Variants in KIF17 observed in about 807,000 individuals in gnomAD.
KIF17 encodes kinesin-like protein KIF17.
A neutral mutation model predicts 96.8 loss-of-function variants in KIF17; 80 were observed. The observed-to-expected ratio is 0.83, with a 90% confidence interval of 0.69 to 1.00. The LOEUF (loss-of-function observed/expected upper bound fraction) is 1.00, where lower values mean the gene tolerates loss of function less well. Among genes scored for constraint, KIF17 ranks in the 50% least tolerant of loss-of-function variants. The probability of loss-of-function intolerance (pLI) is 0.00; values close to 1 mark genes in which losing one functional copy is unlikely to be tolerated. For missense variants in KIF17, 1,280 were observed against 1,372.9 expected (o/e 0.93, Z 1.07); for synonymous variants, 567 against 587.5 (o/e 0.97, Z 0.51).
At chr1:20,690,131 A>C (rs1045740691) in intron 7 of KIF17, 57 bp downstream of exon 7, 2 of 1,589,908 alleles carry the variant, frequency 1.3e-6, no homozygotes, top group African/African-American at 2.7e-5. Context: ...TACTGCAGTG[A>C]GGCGGAAAGG....
chr1:20,689,909 G>C (rs1013602709), intron 7 of KIF17, among the ~76,000 whole-genome samples: 37 of 152,144 alleles, frequency 2.4e-4, no homozygotes, highest in African/African-American at 8.2e-4. Context: ...CAGTGCTGTG[G>C]GTGAGAACAC....
chr1:20,712,876 CTATA>C (rs1328688846), intron 3 of KIF17, among the ~76,000 whole-genome samples: 10 of 66,006 alleles, frequency 1.5e-4, no homozygotes, highest in African/African-American at 7.4e-4. Flanking sequence ...TAGATATTAT[CTATA>C]TATAATATAG....
At chr1:20,678,311 G>T (rs933447141) in intron 11 of KIF17, among the ~76,000 whole-genome samples, 1 of 152,098 alleles carries the variant, frequency 6.6e-6, no homozygotes, top group Non-Finnish European at 1.5e-5. Flanking sequence ...CAACACATGA[G>T]AATTATGGGA....
intron 11 of KIF17, among the ~76,000 whole-genome samples, chr1:20,682,077 C>T (rs2053838378): frequency 6.6e-6 from 1 of 152,152 alleles, no homozygotes; most frequent in African/African-American, 2.4e-5. Context: ...TTATTTCTCT[C>T]CTGTGTTATT....
At chr1:20,707,317 C>T (rs934830069) in intron 4 of KIF17, among the ~76,000 whole-genome samples, 1 of 152,120 alleles carries the variant, frequency 6.6e-6, no homozygotes, top group Admixed American at 6.5e-5. Flanking sequence ...TGTCAAGGAC[C>T]GGTTGGAAAA....
chr1:20,697,462 C>G (rs1028546640), intron 6 of KIF17, among the ~76,000 whole-genome samples: 1 of 152,026 alleles, frequency 6.6e-6, no homozygotes, highest in African/African-American at 2.4e-5. Context: ...TAAAAATTAG[C>G]CAGGCGTTAT....
At position 20,713,521 on chromosome 1, in the gene KIF17, G is replaced by A; in HGVS notation, c.413C>T (p.Ser138Phe). ...AENTKFLVRA[S>F]YLEIYNEDVR... ...ATCTTCATTGTAGATCTCCAGGTAGGAGGCCCGGACCAGGAACTTAGTGTT... is the reference window on the plus strand; with the variant it reads ...ATCTTCATTGTAGATCTCCAGGTAGAAGGCCCGGACCAGGAACTTAGTGTT... The change falls in exon 3 of 15, where the codon TCC becomes TTC. Residue 138 changes from serine to phenylalanine, a missense_variant. By Grantham distance (155) the Ser-to-Phe change is radical. Coordinates refer to ENST00000400463, the MANE Select transcript of KIF17 (RefSeq NM_001122819.3). The A allele has an allele frequency of 6.2e-7, 1 of 1,613,328 alleles. No individual in the cohort carries two copies. Among genetic ancestry groups the A allele is most frequent in the Non-Finnish European group, 8.5e-7 (1 of 1,179,902 alleles).
At chr1:20,668,691 TGGC>T (rs1183202356) in intron 13 of KIF17, among the ~76,000 whole-genome samples, 1 of 152,206 alleles carries the variant, frequency 6.6e-6, no homozygotes, top group Non-Finnish European at 1.5e-5. Context: ...ATATTTGTAA[TGGC>T]TTAAGGCAGA....
chr1:20,683,603 C>T lies in KIF17; in HGVS notation c.2232-719G>A, dbSNP rs1052234299. 7.2e-5 allele frequency among the ~76,000 whole-genome samples: 11 copies of T among 151,746 alleles called. 1 individual carries two copies. Among genetic ancestry groups the T allele is most frequent in the African/African-American group, 1.5e-4 (6 of 41,286 alleles). On this transcript the variant is annotated intron_variant, in intron 10 of 14. Transcript: ENST00000400463. ...CCAGGAGGCAGAGGTTGCAGTGAGC[C>T]GAGATCGCACCACTGCACTCCAGCC... is the stretch of plus-strand genomic sequence containing the variant.
At chr1:20,702,693 C>G (rs2054258439) in intron 5 of KIF17, among the ~76,000 whole-genome samples, 1 of 152,204 alleles carries the variant, frequency 6.6e-6, no homozygotes, top group Non-Finnish European at 1.5e-5. Context: ...CACTCTCATC[C>G]TAACAGGGAA....
At chr1:20,716,339 C>T (rs997369465) in intron 1 of KIF17, among the ~76,000 whole-genome samples, 1 of 152,082 alleles carries the variant, frequency 6.6e-6, no homozygotes, top group Non-Finnish European at 1.5e-5. Flanking sequence ...TGCATGGGCA[C>T]AGGAAGCACT....
At chr1:20,691,043 G>T (rs1488296382) in intron 6 of KIF17, among the ~76,000 whole-genome samples, 1 of 151,814 alleles carries the variant, frequency 6.6e-6, no homozygotes, top group Non-Finnish European at 1.5e-5. Context: ...GCTCATGCCT[G>T]TAACCCCAGC....
rs764795128 is a variant in KIF17, at chr1:20,704,640, G to A, written c.930C>T (p.Ala310=). Residue 310 remains alanine (A), a synonymous_variant, in exon 5 of 15, where the codon GCC becomes GCT. Coordinates refer to ENST00000400463, the MANE Select transcript of KIF17 (RefSeq NM_001122819.3). The surrounding 1 kb of genome is among the most constrained non-coding windows in gnomAD (Gnocchi z 6.8). ...AGTTGTTGTCCGCAGGCGACAGGCA[G>A]GCCACCATGAGCGTCTTGGTGTTGC... ...LGGNTKTLMV[A]CLSPADNNYD... 1 of 1,614,186 alleles carries A rather than the reference G, an allele frequency of 6.2e-7. No homozygotes were observed. The highest frequency in any genetic ancestry group is 2.2e-5 in the East Asian group (1 of 44,882).
At chr1:20,690,488 G>A (rs142791966) in intron 6 of KIF17, among the ~76,000 whole-genome samples, 153 bp from the exon 7 acceptor site, 127 of 152,164 alleles carry the variant, frequency 8.3e-4, no homozygotes, top group African/African-American at 2.7e-3. Context: ...ATTACTTGCC[G>A]GTGAAGACCT....
Position 20,672,266 on chromosome 1 carries a change from C to T in KIF17, c.2464-70G>A. On this transcript the variant is annotated intron_variant, in intron 11 of 14. Transcript: ENST00000400463. This position sits in a 1 kb window ranked among gnomAD's most constrained non-coding sequence, Gnocchi z 4.3. ...CCCTTCCATCTAACCACCCTGTCCACTCACTGTCCTGCCAGCAGCCACGCA... is the reference window on the plus strand; with the variant it reads ...CCCTTCCATCTAACCACCCTGTCCATTCACTGTCCTGCCAGCAGCCACGCA... The T allele has an allele frequency of 5.7e-6, 9 of 1,585,090 alleles. No homozygotes were observed. Among genetic ancestry groups the T allele is most frequent in the Middle Eastern group, 1.9e-4 (1 of 5,220 alleles).
intron 12 of KIF17, among the ~76,000 whole-genome samples, chr1:20,671,545 G>T (rs2053647663): frequency 6.6e-6 from 1 of 151,910 alleles, no homozygotes; most frequent in Admixed American, 6.6e-5. Context: ...ATGTTGGCCA[G>T]GCTGGTCTCG....
intron 11 of KIF17, among the ~76,000 whole-genome samples, chr1:20,680,658 T>A (rs1297199355): frequency 6.6e-6 from 1 of 152,110 alleles, no homozygotes; most frequent in Non-Finnish European, 1.5e-5. Context: ...TGAACATTTC[T>A]AATCCAAAAT....
intron 1 of KIF17, among the ~76,000 whole-genome samples, chr1:20,716,402 C>A (rs1020713350): frequency 1.3e-5 from 2 of 152,232 alleles, no homozygotes; most frequent in Admixed American, 1.3e-4. Flanking sequence ...GAGCTGGACA[C>A]GTACAGGTGA....
intron 5 of KIF17, among the ~76,000 whole-genome samples, chr1:20,701,793 C>T (rs529626006): frequency 2.6e-5 from 4 of 152,224 alleles, no homozygotes; most frequent in Admixed American, 6.5e-5. Context: ...AGGAGGCCAT[C>T]GGTGACAAGG....
Sources: gnomAD v4.1 joint callset for allele counts (sites outside exome capture counted in the v4.1 genomes callset) on GRCh38, gnomAD v4.1.1 for gene constraint, Gnocchi (gnomAD v3.1) non-coding constraint, MANE v1.5 for transcripts, NCBI Gene and HGNC (gene_info 2026-07-23, HGNC 2026-07-21) for gene names.